TGIF1: variants seen among roughly 807,000 people sequenced by gnomAD.
TGIF1 encodes the protein homeobox protein TGIF1.
Under a neutral mutation model 19.3 loss-of-function variants are expected in TGIF1, and 4 were observed. The ratio of observed to expected loss-of-function variants is 0.21; its 90% CI spans 0.10 to 0.47. TGIF1 has a LOEUF of 0.47. TGIF1 is among the 20% of genes least tolerant of loss of function. The pLI, the probability that TGIF1 is intolerant of heterozygous loss-of-function variation, is 0.98. For missense variants in TGIF1, 275 were observed against 341.4 expected (o/e 0.81, Z 1.53); for synonymous variants, 122 against 129.3 (o/e 0.94, Z 0.38).
At chr18:3,444,011 T>C (rs1280987157) in intron 2 of TGIF1, among the ~76,000 whole-genome samples, 1 of 151,334 alleles carries the variant, frequency 6.6e-6, no homozygotes, top group Admixed American at 6.6e-5. Flanking sequence ...CTCGGCTCAC[T>C]GCAACCTCCA....
intron 1 of TGIF1, chr18:3,452,533 C>A: frequency 1.6e-6 from 2 of 1,224,382 alleles, no homozygotes; most frequent in Non-Finnish European, 2.3e-6. Flanking sequence ...GATTCACGGC[C>A]TCATTTCTAG....
At chr18:3,444,359 T>TA (rs2082714790) in intron 2 of TGIF1, among the ~76,000 whole-genome samples, 1 of 151,996 alleles carries the variant, frequency 6.6e-6, no homozygotes, top group Non-Finnish European at 1.5e-5. Flanking sequence ...GAAGGTTTCT[T>TA]AAATAAGAAA....
At chr18:3,414,614 C>T (rs1051670091) in intron 1 of TGIF1, among the ~76,000 whole-genome samples, 6 of 152,208 alleles carry the variant, frequency 3.9e-5, no homozygotes, top group Admixed American at 3.9e-4. Context: ...CCATCTGTGT[C>T]CTCTCTAGAC....
chr18:3,447,773 C>A (rs748740861), upstream of TGIF1: 1 of 1,614,160 alleles, frequency 6.2e-7, no homozygotes, highest in Non-Finnish European at 8.5e-7. Flanking sequence ...TGCATTGGCC[C>A]GATCAAGCCT....
At chr18:3,423,857 AAAC>A (rs1252622402) in intron 2 of TGIF1, among the ~76,000 whole-genome samples, 1 of 152,022 alleles carries the variant, frequency 6.6e-6, no homozygotes, top group African/African-American at 2.4e-5. Flanking sequence ...TCTGTCTCAA[AAAC>A]AACAAAACAA....
In TGIF1 at chr18:3,422,190, TAA is replaced by T. The variant is rs33992043; in HGVS notation, c.-45+3992_-45+3993del. Among the ~76,000 whole-genome samples the T allele has an allele frequency of 3.3e-3, 404 of 121,006 alleles. 2 individuals carry two copies. Among genetic ancestry groups the T allele is most frequent in the African/African-American group, 0.011 (385 of 35,052 alleles). 79.4% of individuals were successfully genotyped at this position (121,006 alleles called of 152,430 possible). A position where few individuals can be genotyped will look rare whatever the true frequency, so the allele number is the denominator to read the frequency against. Reference sequence around the variant, plus strand: ...GCCTGGGCGACAGAGTGAGACACCGTAAAAAAAAAAAAAAAAAAGACAGTGAT... The same window carrying T: ...GCCTGGGCGACAGAGTGAGACACCGTAAAAAAAAAAAAAAAAGACAGTGAT... On this transcript the variant is annotated intron_variant, in intron 2 of 3. Coordinates refer to the TGIF1 transcript ENST00000401449.
At position 3,458,910 on chromosome 18, in the gene TGIF1, C is replaced by T. The variant is rs937491216; in HGVS notation, c.*970C>T. 2.6e-5 allele frequency: 4 copies of T among 152,116 alleles called. No individual in the cohort carries two copies. Among genetic ancestry groups the T allele is most frequent in the Admixed American group, 2.6e-4 (4 of 15,266 alleles). The allele number at this position is 152,116 out of a possible 1,614,324, so 9.4% of individuals were successfully genotyped here. ...AGAGAAATTACCTTTTAAAACATCT[C>T]AAAAGTGTTTTCTAAAATGATGAAA... On this transcript the variant is annotated 3_prime_UTR_variant, in exon 3 of 3. Coordinates refer to ENST00000343820, the MANE Select transcript of TGIF1 (RefSeq NM_003244.4).
rs967464535 is a variant in TGIF1 at position 3,459,916 on chromosome 18, A to G, written c.*1976A>G. The G allele has an allele frequency of 1.3e-5, 2 of 152,250 alleles. No homozygotes were observed. Among genetic ancestry groups the G allele is most frequent in the Non-Finnish European group, 2.9e-5 (2 of 68,046 alleles). 9.4% of individuals were successfully genotyped at this position (152,250 alleles called of 1,614,324 possible). A position where few individuals can be genotyped will look rare whatever the true frequency, so the allele number is the denominator to read the frequency against. ...AAAGCTGTTCATATCAAAGCCAAAT[A>G]GAAATGATTTTTATGCTTATAATTT... On this transcript the variant is annotated 3_prime_UTR_variant, in exon 3 of 3. Coordinates refer to ENST00000343820, the MANE Select transcript of TGIF1 (RefSeq NM_003244.4).
At chr18:3,443,665 G>T (rs900996497) in intron 2 of TGIF1, among the ~76,000 whole-genome samples, 6 of 151,334 alleles carry the variant, frequency 4.0e-5, no homozygotes, top group Non-Finnish European at 7.4e-5. Context: ...CACCTCCCAG[G>T]TTCAAGTGAA....
intron 2 of TGIF1, among the ~76,000 whole-genome samples, chr18:3,424,948 A>T (rs563177012): frequency 3.3e-5 from 5 of 152,356 alleles, no homozygotes; most frequent in African/African-American, 1.2e-4. Context: ...ACAGGTAAAC[A>T]TAAGTAAGTG....
intron 1 of TGIF1, chr18:3,453,940 G>A: frequency 1.5e-6 from 1 of 672,058 alleles, no homozygotes. Flanking sequence ...GAGTAAGGAG[G>A]AAAAAAGTCT....
upstream of TGIF1, chr18:3,448,071 G>C (rs760001161): frequency 5.7e-5 from 55 of 973,130 alleles, no homozygotes; most frequent in Non-Finnish European, 6.3e-5. Flanking sequence ...GGCTAAAGCG[G>C]GCGGGGGGGG....
rs1262544958 is a variant in TGIF1, at chr18:3,451,490, A to C, written c.16+985A>C. On this transcript the variant is annotated intron_variant, in intron 1 of 2. Coordinates refer to ENST00000343820, the MANE Select transcript of TGIF1 (RefSeq NM_003244.4). This position sits in a 1 kb window ranked among gnomAD's most constrained non-coding sequence, Gnocchi z 5.4. ...GGCTGGAGGTGGCGTTTCTGTCGTG[A>C]TTTATGTGGAGTGGTTCAAAACAGA... 13 of 988,644 alleles carry C rather than the reference A, an allele frequency of 1.3e-5. No individual in the cohort carries two copies. Among genetic ancestry groups the C allele is most frequent in the Non-Finnish European group, 1.4e-5 (12 of 832,316 alleles). 61.2% of individuals were successfully genotyped at this position (988,644 alleles called of 1,614,324 possible).
At chr18:3,433,057 C>A (rs1280545830) in intron 2 of TGIF1, among the ~76,000 whole-genome samples, 2 of 151,348 alleles carry the variant, frequency 1.3e-5, no homozygotes, top group African/African-American at 4.9e-5. Flanking sequence ...CTGCGCCTGG[C>A]CTTCTTCTTC....
chr18:3,413,695 C>A (rs960756295), intron 1 of TGIF1, among the ~76,000 whole-genome samples: 2 of 151,998 alleles, frequency 1.3e-5, no homozygotes, highest in South Asian at 2.1e-4. Flanking sequence ...CACAGGGAGA[C>A]CTCGTCTCTA....
upstream of TGIF1, among the ~76,000 whole-genome samples, chr18:3,446,682 C>T (rs2082752023): frequency 6.6e-6 from 1 of 152,168 alleles, no homozygotes; most frequent in Admixed American, 6.5e-5. Context: ...GATAAAATCA[C>T]CTCAAGATGG....
In TGIF1 at chr18:3,459,586, A is replaced by G. The variant is rs972381844; in HGVS notation, c.*1646A>G. 8 of 152,266 alleles carry G rather than the reference A, an allele frequency of 5.3e-5. No homozygotes were observed. Among genetic ancestry groups the G allele is most frequent in the African/African-American group, 1.9e-4 (8 of 41,472 alleles). 9.4% of individuals were successfully genotyped at this position (152,266 alleles called of 1,614,324 possible). A position where few individuals can be genotyped will look rare whatever the true frequency, so the allele number is the denominator to read the frequency against. Reference sequence around the variant, plus strand: ...ATGAATGACGCAAAGGTGATCCAGAATCATTACTTGCTCCAACAGCTAGAT... The same window carrying G: ...ATGAATGACGCAAAGGTGATCCAGAGTCATTACTTGCTCCAACAGCTAGAT... On this transcript the variant is annotated 3_prime_UTR_variant, in exon 3 of 3. Transcript: ENST00000343820.
intron 2 of TGIF1, among the ~76,000 whole-genome samples, chr18:3,440,306 C>T (rs1405334205): frequency 6.6e-6 from 1 of 151,340 alleles, no homozygotes; most frequent in Non-Finnish European, 1.5e-5. Flanking sequence ...GAGCCGATAT[C>T]GTGCCACTGC....
At chr18:3,445,076 A>G (rs1040431581) in intron 2 of TGIF1, among the ~76,000 whole-genome samples, 2 of 152,176 alleles carry the variant, frequency 1.3e-5, no homozygotes, top group African/African-American at 4.8e-5. Context: ...ACAGCCCCAC[A>G]AGAAAGAATG....
Sources: allele counts gnomAD v4.1 joint callset (sites outside exome capture counted in the v4.1 genomes callset), GRCh38; gene constraint gnomAD v4.1.1; non-coding constraint Gnocchi (gnomAD v3.1); transcripts MANE v1.5; gene names NCBI Gene and HGNC (gene_info 2026-07-23, HGNC 2026-07-21).